The following DECR2 variants were observed in gnomAD, a reference collection of about 807,000 sequenced individuals.
The protein encoded by DECR2 is peroxisomal 2,4-dienoyl-CoA reductase [(3E)-enoyl-CoA-producing].
Under a neutral mutation model 29.2 loss-of-function variants are expected in DECR2, and 34 were observed. The observed-to-expected ratio is 1.16, with a 90% CI of 0.89 to 1.55. The LOEUF is 1.55. Ranked by LOEUF, DECR2 falls within the 40% of genes most tolerant of loss-of-function variation. DECR2 has a pLI of 0.00. For missense variants in DECR2, 485 were observed against 425.3 expected, an observed-to-expected ratio of 1.14 and a Z score of -1.23; for synonymous variants, 224 against 182.7, an observed-to-expected ratio of 1.23 and a Z score of -1.82.
chr16:406,527 T>C, intron 3 of DECR2, 130 bp downstream of exon 3: 1 of 875,482 alleles, frequency 1.1e-6, no homozygotes, highest in Admixed American at 2.3e-5. Flanking sequence ...GACGGGAGTC[T>C]CGCTCTGTCA....
At position 410,798 on chromosome 16, in the gene DECR2, C is replaced by A. The variant is rs375233826; in HGVS notation, c.556+14C>A. On this transcript the variant is annotated intron_variant, in intron 6 of 8. Coordinates refer to ENST00000219481, the MANE Select transcript of DECR2 (RefSeq NM_020664.4). This position sits in a 1 kb window ranked among gnomAD's most constrained non-coding sequence, Gnocchi z 4.1. ...AGGCCGCTGTGGGTATGACCACCCCCCCCCGCCCAGGTTTGCCCACGTGGG... is the reference window on the plus strand; with the variant it reads ...AGGCCGCTGTGGGTATGACCACCCCACCCCGCCCAGGTTTGCCCACGTGGG... The A allele has an allele frequency of 2.3e-5, 36 of 1,569,898 alleles. 1 individual carries two copies. Among genetic ancestry groups the A allele is most frequent in the African/African-American group, 2.7e-5 (2 of 74,036 alleles).
chr16:411,547 CG>C lies in DECR2; in HGVS notation c.850del (p.Asp284IlefsTer41). The C allele has an allele frequency of 6.2e-7, 1 of 1,613,746 alleles. No homozygotes were observed. The highest frequency in any genetic ancestry group is 8.5e-7 in the Non-Finnish European group (1 of 1,179,830). ...TTCCCAAACGGTGTCAAAGGGCTGC[CG>C]GATTTCGCATCCTTCTCTGCTAAGC... ...LTFPNGVKGL[P>X]DFASFSAKL On this transcript the variant is annotated frameshift_variant, in exon 8 of 9. Transcript: ENST00000219481. LOFTEE classifies it high-confidence loss of function.
chr16:403,802 C>A (rs1196908434), intron 1 of DECR2, among the ~76,000 whole-genome samples: 1 of 151,858 alleles, frequency 6.6e-6, no homozygotes, highest in Non-Finnish European at 1.5e-5. Flanking sequence ...CCTTCTAGCC[C>A]AAGAGGTCAA....
In DECR2 at chr16:411,392, C is replaced by A. The variant is rs756026534; in HGVS notation, c.693C>A (p.Val231=). Reference sequence around the variant, plus strand: ...CTCAGGCCAGCCTGAGCACCAAGGTCACTGCCAGCCCGCTGCAGAGGCTGG... The same window carrying A: ...CTCAGGCCAGCCTGAGCACCAAGGTAACTGCCAGCCCGCTGCAGAGGCTGG... ...GGPQASLSTK[V]TASPLQRLGN... Residue 231 remains valine (V), a synonymous_variant, in exon 8 of 9, where the codon GTC becomes GTA. Transcript: ENST00000219481. 1 of 1,611,380 alleles carries A rather than the reference C, an allele frequency of 6.2e-7. No individual in the cohort carries two copies. Among genetic ancestry groups the A allele is most frequent in the South Asian group, 1.1e-5 (1 of 91,038 alleles).
At chr16:407,748 C>A (rs934196803) in intron 4 of DECR2, among the ~76,000 whole-genome samples, 188 bp downstream of exon 4, 2 of 145,996 alleles carry the variant, frequency 1.4e-5, no homozygotes, top group Non-Finnish European at 3.0e-5. Context: ...CCGGCCCCAT[C>A]TCCGGCCCCC....
intron 7 of DECR2, 141 bp downstream of exon 7, chr16:411,217 G>A: frequency 2.6e-6 from 3 of 1,161,150 alleles, no homozygotes; most frequent in Non-Finnish European, 3.6e-6. Flanking sequence ...TCTGTGCCTG[G>A]CCTGATCCTG....
chr16:410,248 G>GC lies in DECR2; in HGVS notation c.345dup (p.Gly116ArgfsTer35). ...TGCGGTCTCCCATTCTGCAGGTGCG[G>GC]CCGGGAACTTCCTGTGCCCCGCTGG... is the stretch of plus-strand genomic sequence containing the variant. On this transcript the variant is annotated frameshift_variant, in exon 5 of 9. Coordinates refer to ENST00000219481, the MANE Select transcript of DECR2 (RefSeq NM_020664.4). LOFTEE classifies it high-confidence loss of function. The surrounding 1 kb of genome is among the most constrained non-coding windows in gnomAD (Gnocchi z 4.1). The GC allele has an allele frequency of 1.2e-6, 2 of 1,613,048 alleles. No homozygotes were observed. Among genetic ancestry groups the GC allele is most frequent in the Non-Finnish European group, 1.7e-6 (2 of 1,179,654 alleles).
chr16:409,063 C>T, intron 4 of DECR2, among the ~76,000 whole-genome samples: 1 of 152,144 alleles, frequency 6.6e-6, no homozygotes, highest in East Asian at 1.9e-4. Flanking sequence ...AACTCTTGAT[C>T]TCAGGTGATC....
At chr16:402,682 C>T (rs2054681928) in intron 1 of DECR2, among the ~76,000 whole-genome samples, 1 of 148,620 alleles carries the variant, frequency 6.7e-6, no homozygotes, top group South Asian at 2.1e-4. Context: ...TTTCAAGTTT[C>T]TATTAAAATT....
intron 2 of DECR2, chr16:405,615 G>A: frequency 7.7e-7 from 1 of 1,303,886 alleles, no homozygotes; most frequent in Non-Finnish European, 1.0e-6. Flanking sequence ...CGAACCAGAA[G>A]AGCCGAGAAA....
intron 3 of DECR2, 78 bp from the exon 4 acceptor site, chr16:407,347 G>A (rs927848207): frequency 1.3e-5 from 20 of 1,511,394 alleles, no homozygotes; most frequent in Non-Finnish European, 1.7e-5. Flanking sequence ...CGGAAGCATC[G>A]TCCTCTGCAG....
At position 407,519 on chromosome 16, in the gene DECR2, A is replaced by C. The variant is rs150350411; in HGVS notation, c.296A>C (p.Gln99Pro). 6 of 1,614,018 alleles carry C rather than the reference A, an allele frequency of 3.7e-6. No individual in the cohort carries two copies. The highest frequency in any genetic ancestry group is 3.4e-6 in the Non-Finnish European group (4 of 1,179,916). ...APPAVMAAVD[Q>P]ALKEFGRIDI... Reference sequence around the variant, plus strand: ...CCAGCTGTCATGGCCGCCGTGGACCAGGCTCTGAAGGAGTTTGGCAGAATC... The same window carrying C: ...CCAGCTGTCATGGCCGCCGTGGACCCGGCTCTGAAGGAGTTTGGCAGAATC... Residue 99 changes from glutamine to proline, a missense_variant, in exon 4 of 9, where the codon CAG (glutamine) becomes CCG (proline). Physicochemically the swap from Gln to Pro is moderately conservative, Grantham distance 76. Transcript: ENST00000219481.
chr16:408,307 T>TTCTGTCTCTGGCCC (rs557131369), intron 4 of DECR2, among the ~76,000 whole-genome samples: 3 of 140,558 alleles, frequency 2.1e-5, no homozygotes, highest in East Asian at 2.2e-4. Flanking sequence ...GTCTCCGGGC[T>TTCTGTCTCTGGCCC]TCTGTCTCTG....
chr16:406,749 C>T, intron 3 of DECR2: 1 of 666,500 alleles, frequency 1.5e-6, no homozygotes, highest in Non-Finnish European at 2.1e-6. Flanking sequence ...ATCCGCCCAC[C>T]TCAGCCTCCC....
At chr16:405,829 G>A (rs989235874) in intron 2 of DECR2, among the ~76,000 whole-genome samples, 3 of 152,208 alleles carry the variant, frequency 2.0e-5, no homozygotes, top group Admixed American at 6.5e-5. Context: ...CATCAAGGTG[G>A]TTTTGACCTA....
rs904967803 is a variant in DECR2, at chr16:407,457, G to A, written c.234G>A (p.Arg78=). The part of the protein sequence containing the change: ...AARKLAGATG[R]RCLPLSMDVR... ...GGAAGCTGGCTGGGGCCACCGGCCG[G>A]CGCTGCCTCCCTCTCTCTATGGACG... The change falls in exon 4 of 9, where the codon CGG becomes CGA. Residue 78 remains arginine (R), a synonymous_variant. Coordinates refer to ENST00000219481, the MANE Select transcript of DECR2 (RefSeq NM_020664.4). 2.5e-6 allele frequency: 4 copies of A among 1,612,150 alleles called. No individual in the cohort carries two copies. Among genetic ancestry groups the A allele is most frequent in the African/African-American group, 2.7e-5 (2 of 75,040 alleles).
At chr16:405,500 G>A (rs761384939) in intron 2 of DECR2, 11 of 1,295,532 alleles carry the variant, frequency 8.5e-6, no homozygotes, top group Admixed American at 2.4e-5. Context: ...TCCACTGGTG[G>A]CTTTGTGCTC....
At position 407,677 on chromosome 16, in the gene DECR2, G is replaced by A. The variant is rs1001993657; in HGVS notation, c.337+117G>A. On this transcript the variant is annotated intron_variant, in intron 4 of 8. Transcript: ENST00000219481. ...GCCAGGGAACCTAGCTGCCTGTGCTGGGGTGGGCTGCACCCCATCCAGGTA... is the reference window on the plus strand; with the variant it reads ...GCCAGGGAACCTAGCTGCCTGTGCTAGGGTGGGCTGCACCCCATCCAGGTA... 17 of 1,498,218 alleles carry A rather than the reference G, an allele frequency of 1.1e-5. No homozygotes were observed. The African/African-American group carries it at 1.9e-4, about 17-fold the overall frequency. The allele number at this position is 1,498,218 out of a possible 1,614,324, so 92.8% of individuals were successfully genotyped here.
intron 4 of DECR2, 134 bp downstream of exon 4, chr16:407,694 A>C: frequency 7.1e-7 from 1 of 1,415,258 alleles, no homozygotes; most frequent in Non-Finnish European, 9.5e-7. Flanking sequence ...GCTGCACCCC[A>C]TCCAGGTACC....
Sources: allele counts gnomAD v4.1 joint callset (sites outside exome capture counted in the v4.1 genomes callset), GRCh38; gene constraint gnomAD v4.1.1; non-coding constraint Gnocchi (gnomAD v3.1); transcripts MANE v1.5; gene names NCBI Gene and HGNC (gene_info 2026-07-23, HGNC 2026-07-21).